KLC1: variants seen among roughly 807,000 people sequenced by gnomAD.
KLC1 encodes kinesin 2 60/70kDa.
KLC1 carries 30 observed loss-of-function variants against 84.2 expected under a neutral mutation model. The observed-to-expected ratio is 0.36, with a 90% confidence interval of 0.27 to 0.48. The LOEUF is 0.48. Among genes scored for constraint, KLC1 ranks in the 20% least tolerant of loss-of-function variants. KLC1 has a pLI of 0.99. For missense variants in KLC1, 499 were observed against 805.4 expected (o/e 0.62, Z 4.60); for synonymous variants, 289 against 293.3 (o/e 0.99, Z 0.15).
In KLC1 at chr14:103,654,593, A is replaced by T. The variant is rs373766770; in HGVS notation, c.29A>T (p.Tyr10Phe). MYDNMSTMV[Y>F]IKEDKLEKLT... Reference sequence around the variant, plus strand: ...TATGACAACATGTCCACAATGGTGTACATAAAGGAAGACAAGTTGGAGAAG... The same window carrying T: ...TATGACAACATGTCCACAATGGTGTTCATAAAGGAAGACAAGTTGGAGAAG... The change falls in exon 2 of 17, where the codon TAC becomes TTC. Residue 10 changes from tyrosine to phenylalanine, a missense_variant. Coordinates refer to ENST00000334553, the MANE Select transcript of KLC1 (RefSeq NM_001394837.1). 1 of 1,613,876 alleles carries T rather than the reference A, an allele frequency of 6.2e-7. No individual in the cohort carries two copies. The highest frequency in any genetic ancestry group is 8.5e-7 in the Non-Finnish European group (1 of 1,179,884).
intron 1 of KLC1, among the ~76,000 whole-genome samples, chr14:103,653,178 C>T (rs1364317769): frequency 1.3e-5 from 2 of 152,060 alleles, no homozygotes; most frequent in South Asian, 2.1e-4. Context: ...GGGTCTTGCT[C>T]CGTCACCCAG....
intron 13 of KLC1, chr14:103,685,905 T>C (rs1209963607): frequency 4.4e-6 from 5 of 1,126,366 alleles, no homozygotes; most frequent in Admixed American, 4.6e-5. Flanking sequence ...AATACACGAG[T>C]TTAAAAATTA....
intron 5 of KLC1, among the ~76,000 whole-genome samples, chr14:103,665,826 CAGAA>C (rs894264924): frequency 5.9e-5 from 9 of 152,338 alleles, no homozygotes; most frequent in African/African-American, 1.9e-4. Flanking sequence ...AACTGCCACT[CAGAA>C]AGGCTGTGTC....
intron 9 of KLC1, 68 bp downstream of exon 9, chr14:103,673,499 A>T: frequency 2.1e-6 from 2 of 939,678 alleles, no homozygotes; most frequent in Non-Finnish European, 3.2e-6. Flanking sequence ...TAATATACTA[A>T]TAGTATTAGT....
At chr14:103,655,565 G>T in intron 2 of KLC1, among the ~76,000 whole-genome samples, 1 of 151,336 alleles carries the variant, frequency 6.6e-6, no homozygotes, top group East Asian at 2.0e-4. Context: ...GCAAAGTGTT[G>T]GGATTACAGG....
chr14:103,638,015 A>G (rs2077178671), intron 1 of KLC1, among the ~76,000 whole-genome samples: 2 of 152,054 alleles, frequency 1.3e-5, no homozygotes, highest in South Asian at 4.2e-4. Context: ...TATTTCCCTG[A>G]ATATGACGTG....
rs190411429 is a variant in KLC1, at chr14:103,701,500, G to A, written c.*301G>A. On this transcript the variant is annotated 3_prime_UTR_variant, in exon 17 of 17. Coordinates refer to ENST00000334553, the MANE Select transcript of KLC1 (RefSeq NM_001394837.1). Reference sequence around the variant, plus strand: ...ACTTCCTCACGTTGTGTGCGATAACGTATTTTATTGTACATTTTTTTAAAT... The same window carrying A: ...ACTTCCTCACGTTGTGTGCGATAACATATTTTATTGTACATTTTTTTAAAT... The A allele has an allele frequency of 2.3e-5, 9 of 392,908 alleles. No individual in the cohort carries two copies. In the South Asian group the frequency reaches 3.8e-4, roughly 17 times the overall value. 24.3% of individuals were successfully genotyped at this position (392,908 alleles called of 1,614,324 possible).
chr14:103,679,627 C>A, intron 13 of KLC1, 82 bp downstream of exon 13: 1 of 983,602 alleles, frequency 1.0e-6, no homozygotes, highest in Non-Finnish European at 1.6e-6. Flanking sequence ...GTCTCATGTG[C>A]TAGACCTTCT....
At chr14:103,698,856 C>A in intron 15 of KLC1, 3 of 1,607,694 alleles carry the variant, frequency 1.9e-6, no homozygotes, top group Non-Finnish European at 2.5e-6. Flanking sequence ...CGTGTAGGAA[C>A]AGGAGGAGGG....
In KLC1 at chr14:103,648,442, C is replaced by T. The variant is rs140439314; in HGVS notation, c.-1-6122C>T. Among the ~76,000 whole-genome samples the T allele has an allele frequency of 4.1e-4, 63 of 152,158 alleles. 1 individual carries two copies. The highest frequency in any genetic ancestry group is 1.5e-3 in the African/African-American group (61 of 41,532). ...GGTTCTTAACATTCTCAATTTATGT[C>T]CTCAGAATGTGGTAGTACGAAAGAA... On this transcript the variant is annotated intron_variant, in intron 1 of 16. Coordinates refer to ENST00000334553, the MANE Select transcript of KLC1 (RefSeq NM_001394837.1).
intron 5 of KLC1, among the ~76,000 whole-genome samples, chr14:103,663,759 T>C (rs926510646): frequency 2.0e-5 from 3 of 152,010 alleles, no homozygotes; most frequent in Non-Finnish European, 4.4e-5. Context: ...TAGGATGCAG[T>C]TGGGGGCTGG....
intron 3 of KLC1, among the ~76,000 whole-genome samples, 183 bp from the exon 4 acceptor site, chr14:103,661,933 G>A (rs2079328855): frequency 6.6e-6 from 1 of 152,160 alleles, no homozygotes; most frequent in Admixed American, 6.6e-5. Context: ...AGTCTAAAAA[G>A]CTTTTCATTA....
At chr14:103,701,085 C>A in intron 16 of KLC1, 116 bp from the exon 17 acceptor site, 1 of 1,311,290 alleles carries the variant, frequency 7.6e-7, no homozygotes, top group Non-Finnish European at 1.1e-6. Context: ...CAGCAACACC[C>A]TCTTCTCTAG....
intron 15 of KLC1, chr14:103,698,725 A>C: frequency 7.4e-7 from 1 of 1,360,060 alleles, no homozygotes; most frequent in Non-Finnish European, 1.0e-6. Context: ...CGGCCCAGGC[A>C]GACGCGTTTT....
intron 14 of KLC1, among the ~76,000 whole-genome samples, chr14:103,690,179 T>G (rs554482778): frequency 6.8e-6 from 1 of 147,438 alleles, no homozygotes; most frequent in African/African-American, 2.5e-5. Flanking sequence ...AAACTTCGTC[T>G]CAAAAAAAAA....
intron 15 of KLC1, chr14:103,699,806 C>T: frequency 1.7e-6 from 1 of 584,358 alleles, no homozygotes; most frequent in Non-Finnish European, 3.1e-6. Context: ...GGCCCCATGT[C>T]CTTCCTCTGG....
intron 1 of KLC1, among the ~76,000 whole-genome samples, chr14:103,640,650 G>A (rs1475420216): frequency 1.3e-5 from 2 of 152,144 alleles, no homozygotes; most frequent in Admixed American, 6.6e-5. Flanking sequence ...GTGAGCCACC[G>A]CGCCCGGCCC....
At chr14:103,654,863 T>C in intron 2 of KLC1, 38 bp downstream of exon 2, 3 of 1,584,720 alleles carry the variant, frequency 1.9e-6, no homozygotes, top group African/African-American at 1.4e-5. Flanking sequence ...TCAGGAACTT[T>C]TGATGGTAAA....
chr14:103,647,816 C>G (rs1336338333), intron 1 of KLC1, among the ~76,000 whole-genome samples: 1 of 145,558 alleles, frequency 6.9e-6, no homozygotes, highest in Admixed American at 7.0e-5. Flanking sequence ...GTGGAGGTTG[C>G]ATTGAGCCGA....
Sources: gnomAD v4.1 joint callset for allele counts (sites outside exome capture counted in the v4.1 genomes callset) on GRCh38, gnomAD v4.1.1 for gene constraint, MANE v1.5 for transcripts, NCBI Gene and HGNC (gene_info 2026-07-23, HGNC 2026-07-21) for gene names.